The following COBL variants were observed in gnomAD, a reference collection of about 807,000 sequenced individuals.
COBL encodes the protein cordon-bleu WH2 repeat protein.
A neutral mutation model predicts 98.8 loss-of-function variants in COBL; 51 were observed. The observed-to-expected ratio is 0.52, with a 90% CI of 0.41 to 0.65. The LOEUF is 0.65. COBL is among the 30% of genes least tolerant of loss of function. COBL has a pLI of 0.00. For synonymous variants in COBL, 634 were observed against 651.7 expected (o/e 0.97, Z 0.41); for missense variants, 1,617 against 1,617.5 (o/e 1.00, Z 0.01).
chr7:51,280,093 A>C (rs1304656745), intron 1 of COBL, among the ~76,000 whole-genome samples: 2 of 152,224 alleles, frequency 1.3e-5, no homozygotes, highest in African/African-American at 4.8e-5. Flanking sequence ...GAATGCAAGG[A>C]ACAGCTATTT....
intron 5 of COBL, among the ~76,000 whole-genome samples, chr7:51,161,946 T>C (rs1329594680): frequency 1.3e-5 from 2 of 152,220 alleles, no homozygotes; most frequent in Non-Finnish European, 2.9e-5. Context: ...CAGACTGATA[T>C]AATAATTTCT....
chr7:51,274,648 T>C (rs1799117384), intron 1 of COBL, among the ~76,000 whole-genome samples: 1 of 152,210 alleles, frequency 6.6e-6, no homozygotes, highest in Non-Finnish European at 1.5e-5. Context: ...AAGCACACTT[T>C]TGTGCGTAGG....
chr7:51,297,123 G>A (rs1030934505), intron 1 of COBL, among the ~76,000 whole-genome samples: 6 of 152,086 alleles, frequency 3.9e-5, no homozygotes, highest in East Asian at 3.9e-4. Context: ...AAAGCTCCTC[G>A]GTGACTCGGC....
chr7:51,238,361 A>G (rs1289426932), intron 1 of COBL, among the ~76,000 whole-genome samples: 1 of 152,136 alleles, frequency 6.6e-6, no homozygotes, highest in East Asian at 1.9e-4. Context: ...GTCTCATGAG[A>G]AGGAGACCCC....
At chr7:51,191,206 G>A (rs1451113878) in intron 3 of COBL, 128 bp from the exon 4 acceptor site, 1 of 727,268 alleles carries the variant, frequency 1.4e-6, no homozygotes, top group Non-Finnish European at 2.3e-6. Flanking sequence ...CACAAATTGA[G>A]TGAGTAATGG....
chr7:51,154,926 C>G (rs1005875340), intron 5 of COBL, among the ~76,000 whole-genome samples: 3 of 152,180 alleles, frequency 2.0e-5, no homozygotes, highest in Admixed American at 2.0e-4. Context: ...ATTGGCTATA[C>G]TTCTGACCAA....
intron 1 of COBL, among the ~76,000 whole-genome samples, chr7:51,247,015 GCAGTGCGGGCCTGCAGGACT>G (rs1292754251): frequency 1.3e-5 from 2 of 152,154 alleles, no homozygotes; most frequent in Admixed American, 1.3e-4. Context: ...CAAACACCAA[GCAGTGCGGGCCTGCAGGACT>G]CAGTGCCTCA....
rs1798611727 is a variant in COBL, at chr7:51,130,242, T to C, written c.957+5916A>G. Among the ~76,000 whole-genome samples, 10 of 151,788 alleles carry C rather than the reference T, an allele frequency of 6.6e-5. No homozygotes were observed. In the South Asian group the frequency reaches 2.1e-3, roughly 31 times the overall value. On this transcript the variant is annotated intron_variant, in intron 6 of 12. Coordinates refer to ENST00000265136, the MANE Select transcript of COBL (RefSeq NM_015198.5). ...CTACTTTGCTGAGCCTCAGCCGACC[T>C]GAGTCCTTCCTTCCGAACAAAGCAC...
intron 12 of COBL, among the ~76,000 whole-genome samples, chr7:51,018,905 A>AAAATATATATAT (rs1554345519): frequency 2.9e-5 from 1 of 34,436 alleles, no homozygotes; most frequent in African/African-American, 1.3e-4. Context: ...AAAAAAAAAA[A>AAAATATATATAT]ATATATATAT....
chr7:51,241,631 G>C (rs935679051), intron 1 of COBL, among the ~76,000 whole-genome samples: 2 of 152,236 alleles, frequency 1.3e-5, no homozygotes, highest in African/African-American at 2.4e-5. Flanking sequence ...TGATGAAATG[G>C]AAGTCTGTAC....
At chr7:51,035,365 A>G (rs957363356) in intron 8 of COBL, 26 of 61,466 alleles carry the variant, frequency 4.2e-4, no homozygotes, top group African/African-American at 2.0e-4. Flanking sequence ...AGAATTAATG[A>G]AAAAAAAAAA....
intron 2 of COBL, among the ~76,000 whole-genome samples, chr7:51,216,869 A>G (rs562632841): frequency 6.6e-6 from 1 of 152,358 alleles, no homozygotes; most frequent in Non-Finnish European, 1.5e-5. Flanking sequence ...GAGAAACCAC[A>G]ATGACAAAAA....
intron 1 of COBL, among the ~76,000 whole-genome samples, chr7:51,272,307 G>T (rs918633896): frequency 2.6e-5 from 4 of 152,116 alleles, no homozygotes; most frequent in South Asian, 2.1e-4. Flanking sequence ...TCCCCATTTT[G>T]CAGATTATAA....
At chr7:51,229,698 T>C (rs1465876239) in intron 1 of COBL, among the ~76,000 whole-genome samples, 1 of 152,172 alleles carries the variant, frequency 6.6e-6, no homozygotes, top group Admixed American at 6.5e-5. Flanking sequence ...TTTCTTCTCT[T>C]ATCCCCCAAA....
At chr7:51,168,383 C>A (rs1462018175) in intron 5 of COBL, among the ~76,000 whole-genome samples, 1 of 151,686 alleles carries the variant, frequency 6.6e-6, no homozygotes, top group Non-Finnish European at 1.5e-5. Context: ...CTGCAGTGAG[C>A]CGAGATCGCA....
At chr7:51,122,912 G>A (rs1007561137) in intron 6 of COBL, among the ~76,000 whole-genome samples, 2 of 151,944 alleles carry the variant, frequency 1.3e-5, no homozygotes, top group African/African-American at 4.8e-5. Context: ...CCAGGAGGAG[G>A]AGGCTGCAGT....
At chr7:51,204,637 G>A (rs147564567) in intron 2 of COBL, among the ~76,000 whole-genome samples, 4,714 of 147,012 alleles carry the variant, frequency 0.032, 213 homozygotes, top group South Asian at 0.15. Context: ...TGCAACCTCC[G>A]CCTCCCGGGT....
chr7:51,131,071 C>T (rs545094882), intron 6 of COBL, among the ~76,000 whole-genome samples: 57 of 152,240 alleles, frequency 3.7e-4, no homozygotes, highest in African/African-American at 1.3e-3. Flanking sequence ...CATAACACAG[C>T]CTCCATCATC....
intron 1 of COBL, among the ~76,000 whole-genome samples, chr7:51,228,503 T>C (rs1199935810): frequency 6.6e-6 from 1 of 152,142 alleles, no homozygotes; most frequent in Admixed American, 6.6e-5. Context: ...AATGCATTCA[T>C]AACTGCCTAA....
Sources: allele counts gnomAD v4.1 joint callset (sites outside exome capture counted in the v4.1 genomes callset), GRCh38; gene constraint gnomAD v4.1.1; transcripts MANE v1.5; gene names NCBI Gene and HGNC (gene_info 2026-07-23, HGNC 2026-07-21).